Variants in MARCHF11 observed in about 807,000 individuals in gnomAD.
MARCHF11 encodes E3 ubiquitin-protein ligase MARCHF11.
Under a neutral mutation model 37.3 loss-of-function variants are expected in MARCHF11, and 29 were observed. The observed-to-expected ratio is 0.78, with a 90% CI of 0.58 to 1.06. The LOEUF (loss-of-function observed/expected upper bound fraction) is 1.06. Among genes scored for constraint, MARCHF11 ranks in the 50% least tolerant of loss-of-function variants. The pLI is 0.00. For missense variants in MARCHF11, 482 were observed against 533.4 expected (o/e 0.90, Z 0.95); for synonymous variants, 233 against 228.0 (o/e 1.02, Z -0.20).
chr5:16,104,983 A>G (rs1164954067), intron 2 of MARCHF11, among the ~76,000 whole-genome samples: 1 of 152,252 alleles, frequency 6.6e-6, no homozygotes, highest in Admixed American at 6.5e-5. Flanking sequence ...GTGGGTGTTC[A>G]CATAGCTGTA....
At chr5:16,093,735 T>G (rs1736821509) in intron 2 of MARCHF11, among the ~76,000 whole-genome samples, 1 of 152,222 alleles carries the variant, frequency 6.6e-6, no homozygotes, top group Non-Finnish European at 1.5e-5. Flanking sequence ...TTGGAATGAA[T>G]GTGTTTAAGA....
chr5:16,081,327 C>T (rs148120123), intron 3 of MARCHF11, among the ~76,000 whole-genome samples: 1 of 152,350 alleles, frequency 6.6e-6, no homozygotes, highest in Non-Finnish European at 1.5e-5. Context: ...CTTTCATTCA[C>T]TGTCACAACT....
chr5:16,139,915 A>C (rs986449786), intron 2 of MARCHF11, among the ~76,000 whole-genome samples: 7 of 152,188 alleles, frequency 4.6e-5, no homozygotes, highest in Non-Finnish European at 8.8e-5. Flanking sequence ...TGTTTTCACT[A>C]TCAATAGAAA....
chr5:16,068,393 T>C (rs1736384042), intron 3 of MARCHF11, among the ~76,000 whole-genome samples: 1 of 152,178 alleles, frequency 6.6e-6, no homozygotes, highest in Admixed American at 6.5e-5. Context: ...CGTAGTCTTA[T>C]AAATTTAAGT....
intron 2 of MARCHF11, among the ~76,000 whole-genome samples, chr5:16,134,328 C>A (rs1279992114): frequency 6.6e-6 from 1 of 152,088 alleles, no homozygotes; most frequent in East Asian, 1.9e-4. Context: ...GAGGGTTCCA[C>A]CCTCATGAGT....
At chr5:16,071,934 T>A (rs1252069282) in intron 3 of MARCHF11, among the ~76,000 whole-genome samples, 4 of 152,106 alleles carry the variant, frequency 2.6e-5, no homozygotes, top group Non-Finnish European at 5.9e-5. Context: ...TACAAACAGG[T>A]ACTAGTTTTT....
At chr5:16,072,702 C>G (rs1736459343) in intron 3 of MARCHF11, among the ~76,000 whole-genome samples, 1 of 152,116 alleles carries the variant, frequency 6.6e-6, no homozygotes, top group African/African-American at 2.4e-5. Flanking sequence ...TTTGATTGAA[C>G]AGCACACAGA....
At chr5:16,084,833 T>G (rs1053795754) in intron 3 of MARCHF11, among the ~76,000 whole-genome samples, 1 of 151,818 alleles carries the variant, frequency 6.6e-6, no homozygotes, top group Non-Finnish European at 1.5e-5. Context: ...CTGGCATATC[T>G]CAGGTTATTT....
At chr5:16,131,274 C>T (rs1414336303) in intron 2 of MARCHF11, among the ~76,000 whole-genome samples, 3 of 152,180 alleles carry the variant, frequency 2.0e-5, no homozygotes, top group Admixed American at 6.5e-5. Flanking sequence ...AGTAAGCAGT[C>T]ACATAATCCC....
chr5:16,106,167 G>T (rs1326342766), intron 2 of MARCHF11, among the ~76,000 whole-genome samples: 1 of 152,142 alleles, frequency 6.6e-6, no homozygotes, highest in Non-Finnish European at 1.5e-5. Flanking sequence ...AGATATAAAA[G>T]TCTGACATGA....
intron 1 of MARCHF11, among the ~76,000 whole-genome samples, chr5:16,178,597 C>A (rs1410899682): frequency 6.6e-6 from 1 of 152,192 alleles, no homozygotes; most frequent in Non-Finnish European, 1.5e-5. Flanking sequence ...GATTAAGTCA[C>A]CCAAATTTGC....
intron 2 of MARCHF11, among the ~76,000 whole-genome samples, chr5:16,093,270 A>T (rs1736814316): frequency 6.6e-6 from 1 of 152,082 alleles, no homozygotes. Flanking sequence ...ACTGATATCT[A>T]TTTTCTGTTT....
chr5:16,117,853 A>G (rs1737246413), intron 2 of MARCHF11, among the ~76,000 whole-genome samples: 1 of 152,208 alleles, frequency 6.6e-6, no homozygotes, highest in Non-Finnish European at 1.5e-5. Context: ...AAGACAGACA[A>G]GTTCCTGTTC....
chr5:16,075,621 A>T (rs931827980), intron 3 of MARCHF11, among the ~76,000 whole-genome samples: 2 of 152,024 alleles, frequency 1.3e-5, no homozygotes, highest in African/African-American at 4.8e-5. Context: ...AGTAGCTATC[A>T]CTGGGATCTA....
rs1429175603 is a variant in MARCHF11 at position 16,179,606 on chromosome 5, C to T, written c.-31G>A. ...TGCCGCCGCCGCCCTCCTGCCGGCC[C>T]GGCTGGCGGGCCGGGCTCTGGCTGC... is the stretch of plus-strand genomic sequence containing the variant. On this transcript the variant is annotated 5_prime_UTR_variant, in exon 1 of 4. Coordinates refer to ENST00000332432, the MANE Select transcript of MARCHF11 (RefSeq NM_001102562.3). 3.8e-6 allele frequency: 4 copies of T among 1,048,536 alleles called. No homozygotes were observed. The highest frequency in any genetic ancestry group is 4.6e-6 in the Non-Finnish European group (4 of 872,420). 65.0% of individuals were successfully genotyped at this position (1,048,536 alleles called of 1,614,324 possible). A position where few individuals can be genotyped will look rare whatever the true frequency, so the allele number is the denominator to read the frequency against.
In MARCHF11 at chr5:16,090,977, G is replaced by C; in HGVS notation, c.798C>G (p.Ala266=). ...IASVTWLLWS[A]FSPYAVWQRK... ...TCTGCCACACTGCATAGGGGCTGAA[G>C]GCTGACCAGAGGAGCCAAGTCACAC... The change falls in exon 3 of 4, where the codon GCC becomes GCG. Residue 266 remains alanine (A), a synonymous_variant. Transcript: ENST00000332432. 1.2e-5 allele frequency: 19 copies of C among 1,612,538 alleles called. No individual in the cohort carries two copies. Among genetic ancestry groups the C allele is most frequent in the Non-Finnish European group, 1.4e-5 (16 of 1,179,584 alleles).
intron 2 of MARCHF11, among the ~76,000 whole-genome samples, chr5:16,123,072 G>C (rs777757141): frequency 6.6e-6 from 1 of 152,188 alleles, no homozygotes; most frequent in South Asian, 2.1e-4. Context: ...CTCCTCCAGC[G>C]CAAGTCCATT....
intron 2 of MARCHF11, among the ~76,000 whole-genome samples, chr5:16,147,635 A>C (rs1579411845): frequency 2.0e-5 from 3 of 152,258 alleles, no homozygotes; most frequent in African/African-American, 7.2e-5. Flanking sequence ...TGTGCGATAG[A>C]AATATCAAAT....
chr5:16,091,899 T>C (rs1032555729), intron 2 of MARCHF11, among the ~76,000 whole-genome samples: 5 of 152,206 alleles, frequency 3.3e-5, no homozygotes, highest in East Asian at 1.9e-4. Context: ...TTTTGCATAA[T>C]TGAAGCAGAA....
Sources: allele counts gnomAD v4.1 joint callset (sites outside exome capture counted in the v4.1 genomes callset), GRCh38; gene constraint gnomAD v4.1.1; transcripts MANE v1.5; gene names NCBI Gene and HGNC (gene_info 2026-07-23, HGNC 2026-07-21).